The following SBF2 variants were observed in gnomAD, a reference collection of about 807,000 sequenced individuals.
SBF2 encodes SET binding factor 2, also known as myotubularin-related protein 13.
A neutral mutation model predicts 225.2 loss-of-function variants in SBF2; 112 were observed. That is an observed-to-expected ratio of 0.50 (90% CI 0.43 to 0.58). The LOEUF (loss-of-function observed/expected upper bound fraction) is 0.58, where lower values mean the gene tolerates loss of function less well. SBF2 is among the 20% of genes least tolerant of loss of function. SBF2 has a pLI of 0.00. For synonymous variants in SBF2, 763 were observed against 773.3 expected, an observed-to-expected ratio of 0.99 and a Z score of 0.22; for missense variants, 1,996 against 2,206.2, an observed-to-expected ratio of 0.90 and a Z score of 1.91.
intron 1 of SBF2, among the ~76,000 whole-genome samples, chr11:10,220,795 G>C (rs1958311863): frequency 6.6e-6 from 1 of 151,934 alleles, no homozygotes; most frequent in Admixed American, 6.6e-5. Flanking sequence ...CCTATACTGT[G>C]GCCCCACCAA....
At chr11:9,886,162 T>C (rs993492469) in intron 17 of SBF2, among the ~76,000 whole-genome samples, 1 of 152,226 alleles carries the variant, frequency 6.6e-6, no homozygotes, top group African/African-American at 2.4e-5. Flanking sequence ...TTCTCACTGT[T>C]TTCTTGCAAA....
chr11:9,926,382 T>C (rs796502344), intron 16 of SBF2, among the ~76,000 whole-genome samples: 8 of 151,968 alleles, frequency 5.3e-5, no homozygotes, highest in African/African-American at 1.9e-4. Flanking sequence ...AAATCTTAAG[T>C]AGGGAAAAAG....
chr11:10,257,616 G>A lies in SBF2; in HGVS notation c.55+36399C>T, dbSNP rs140633607. On this transcript the variant is annotated intron_variant, in intron 1 of 39. Transcript: ENST00000256190. The stretch of plus-strand genomic sequence containing the variant: ...GGAAGTAGAGGCTGCAGTGAAATAC[G>A]ATAGCATCACTGCACTCCAGCCTGG... Among the ~76,000 whole-genome samples, 6 of 134,336 alleles carry A rather than the reference G, an allele frequency of 4.5e-5. No homozygotes were observed. The East Asian group carries it at 1.4e-3, about 30-fold the overall frequency. The allele number at this position is 134,336 out of a possible 152,430, so 88.1% of individuals were successfully genotyped here. A position where few individuals can be genotyped will look rare whatever the true frequency, so the allele number is the denominator to read the frequency against.
chr11:10,179,373 CAAAAACAAAAAAACAAAA>C, intron 2 of SBF2, among the ~76,000 whole-genome samples: 1 of 118,814 alleles, frequency 8.4e-6, no homozygotes, highest in Non-Finnish European at 1.9e-5. Flanking sequence ...AAACAAAAAA[CAAAAACAAAAAAACAAAA>C]AAAAACAAAA....
intron 1 of SBF2, among the ~76,000 whole-genome samples, chr11:10,231,798 A>T (rs1160305362): frequency 6.6e-6 from 1 of 152,164 alleles, no homozygotes; most frequent in Admixed American, 6.5e-5. Flanking sequence ...TCAGATCTCA[A>T]GCTGCGTGCT....
chr11:9,858,159 A>G, intron 18 of SBF2, 67 bp downstream of exon 18: 3 of 1,587,554 alleles, frequency 1.9e-6, no homozygotes, highest in Non-Finnish European at 2.6e-6. Flanking sequence ...TTGCCCTGGG[A>G]ACATCTGCTT....
At position 10,192,140 on chromosome 11, in the gene SBF2, T is replaced by C. The variant is rs1302587530; in HGVS notation, c.141+1762A>G. On this transcript the variant is annotated intron_variant, in intron 2 of 39. Coordinates refer to ENST00000256190, the MANE Select transcript of SBF2 (RefSeq NM_030962.4). ...GGTTTAAAAGCTTTTATAGAACAAATGCCTGCTTATTCACACTGTAAGGCC... is the reference window on the plus strand; with the variant it reads ...GGTTTAAAAGCTTTTATAGAACAAACGCCTGCTTATTCACACTGTAAGGCC... Among the ~76,000 whole-genome samples the C allele has an allele frequency of 3.3e-5, 5 of 152,276 alleles. No homozygotes were observed. In the South Asian group the frequency reaches 1.0e-3, roughly 32 times the overall value.
At chr11:10,129,672 A>G (rs1591023187) in intron 2 of SBF2, among the ~76,000 whole-genome samples, 1 of 152,082 alleles carries the variant, frequency 6.6e-6, no homozygotes, top group Admixed American at 6.5e-5. Flanking sequence ...TTTTCCAAAA[A>G]TTATCTTGTG....
At chr11:9,786,974 C>G (rs1852413826) in intron 36 of SBF2, among the ~76,000 whole-genome samples, 1 of 152,322 alleles carries the variant, frequency 6.6e-6, no homozygotes, top group Admixed American at 6.5e-5. Context: ...TCACTCACTG[C>G]AACCTCCGCC....
chr11:10,212,843 A>T (rs978650942), intron 1 of SBF2, among the ~76,000 whole-genome samples: 19 of 152,198 alleles, frequency 1.2e-4, no homozygotes, highest in Admixed American at 2.6e-4. Flanking sequence ...CGAGGTCAAG[A>T]GATCAAGACC....
intron 2 of SBF2, among the ~76,000 whole-genome samples, chr11:10,068,767 T>A (rs181055917): frequency 6.6e-6 from 1 of 152,328 alleles, no homozygotes; most frequent in African/African-American, 2.4e-5. Flanking sequence ...ACTTGATTCT[T>A]CTCTACCTCA....
chr11:10,115,294 T>C (rs1414150779), intron 2 of SBF2, among the ~76,000 whole-genome samples: 6 of 152,164 alleles, frequency 3.9e-5, no homozygotes, highest in Non-Finnish European at 7.4e-5. Flanking sequence ...ATGCAATACA[T>C]TGCTGTGTAT....
intron 2 of SBF2, among the ~76,000 whole-genome samples, chr11:10,147,313 C>T (rs995509348): frequency 1.3e-5 from 2 of 152,100 alleles, no homozygotes; most frequent in African/African-American, 2.4e-5. Flanking sequence ...GAGATGAAGT[C>T]AACCTAAATG....
chr11:10,178,030 A>G (rs1399124839), intron 2 of SBF2, among the ~76,000 whole-genome samples: 20 of 147,340 alleles, frequency 1.4e-4, no homozygotes, highest in Middle Eastern at 3.5e-3. Context: ...GCCCTCAGAA[A>G]TAACACCACA....
intron 17 of SBF2, among the ~76,000 whole-genome samples, chr11:9,865,816 A>G (rs1180461686): frequency 6.6e-6 from 1 of 151,590 alleles, no homozygotes; most frequent in Non-Finnish European, 1.5e-5. Context: ...ATTTGAACCC[A>G]GCCAGTTTGG....
At chr11:10,221,893 T>C (rs1047571142) in intron 1 of SBF2, among the ~76,000 whole-genome samples, 1 of 152,184 alleles carries the variant, frequency 6.6e-6, no homozygotes, top group African/African-American at 2.4e-5. Flanking sequence ...ACTGTTTTAC[T>C]ATCTTGAAGA....
At chr11:10,004,281 A>G (rs1278683143) in intron 6 of SBF2, among the ~76,000 whole-genome samples, 1 of 152,084 alleles carries the variant, frequency 6.6e-6, no homozygotes, top group African/African-American at 2.4e-5. Flanking sequence ...AATGCTACAA[A>G]TTTTGCAAAA....
chr11:10,023,789 T>G (rs1948946874), intron 6 of SBF2, among the ~76,000 whole-genome samples: 1 of 152,236 alleles, frequency 6.6e-6, no homozygotes, highest in Admixed American at 6.5e-5. Context: ...ACATTTGGAT[T>G]GCTTCCACTT....
chr11:10,102,675 G>A (rs1004525927), intron 2 of SBF2, among the ~76,000 whole-genome samples: 1 of 152,136 alleles, frequency 6.6e-6, no homozygotes, highest in African/African-American at 2.4e-5. Context: ...GTATAAGCAA[G>A]TTGGCTAAGG....
Sources: gnomAD v4.1 joint callset for allele counts (sites outside exome capture counted in the v4.1 genomes callset) on GRCh38, gnomAD v4.1.1 for gene constraint, MANE v1.5 for transcripts, NCBI Gene and HGNC (gene_info 2026-07-23, HGNC 2026-07-21) for gene names.